The following PARVB variants were observed in gnomAD, a reference collection of about 807,000 sequenced individuals.
PARVB encodes beta-parvin.
PARVB carries 46 observed loss-of-function variants against 47.0 expected under a neutral mutation model. The observed-to-expected ratio is 0.98, with a 90% CI of 0.77 to 1.25. The LOEUF (loss-of-function observed/expected upper bound fraction) is 1.25, where lower values mean the gene tolerates loss of function less well. Among genes scored for constraint, PARVB ranks in the 50% most tolerant of loss-of-function variants. The probability of loss-of-function intolerance (pLI) is 0.00; values close to 1 mark genes in which losing one functional copy is unlikely to be tolerated. For synonymous variants in PARVB, 196 were observed against 196.3 expected (o/e 1.00, Z 0.01); for missense variants, 473 against 471.6 (o/e 1.00, Z -0.03).
intron 1 of PARVB, chr22:44,081,702 G>A (rs905494043): frequency 3.6e-5 from 28 of 777,036 alleles, no homozygotes; most frequent in Admixed American, 6.3e-5. Flanking sequence ...ATTGCCCCCC[G>A]CCTCGGTGGG....
chr22:44,115,482 T>C (rs2052861281), intron 3 of PARVB: 1 of 93,790 alleles, frequency 1.1e-5, no homozygotes, highest in Non-Finnish European at 2.2e-5. Flanking sequence ...ACAGATACAT[T>C]GTTACTAACT....
Position 44,163,864 on chromosome 22 carries a change from A to C in PARVB, c.952A>C (p.Asn318His). ...TPESFDQKVH[N>H]VSFAFELMLD... ...CACCCCCCTTCCTTGGCAGGTCCACAATGTGTCCTTCGCCTTTGAGCTGAT... is the reference window on the plus strand; with the variant it reads ...CACCCCCCTTCCTTGGCAGGTCCACCATGTGTCCTTCGCCTTTGAGCTGAT... The change falls in exon 12 of 13, where the codon AAT (asparagine) becomes CAT (histidine). Residue 318 changes from asparagine (N) to histidine (H), a missense_variant. Physicochemically the swap from Asn to His is moderately conservative, Grantham distance 68. Coordinates refer to ENST00000338758, the MANE Select transcript of PARVB (RefSeq NM_013327.5). 1 of 1,608,716 alleles carries C rather than the reference A, an allele frequency of 6.2e-7. No homozygotes were observed. The highest frequency in any genetic ancestry group is 8.5e-7 in the Non-Finnish European group (1 of 1,177,496).
chr22:44,043,395 T>G (rs923861176), intron 1 of PARVB, among the ~76,000 whole-genome samples: 12 of 152,184 alleles, frequency 7.9e-5, no homozygotes, highest in Non-Finnish European at 1.3e-4. Context: ...TTTATTTATT[T>G]TGAGACGGAG....
In PARVB at chr22:44,024,400, T is replaced by C; in HGVS notation, c.61T>C (p.Phe21Leu). ...RPRRMKKDES[F>L]LGKLGGTLAR... The stretch of plus-strand genomic sequence containing the variant: ...CCGCAGGATGAAGAAGGACGAGTCG[T>C]TCCTGGGCAAGCTGGGCGGCACCCT... Residue 21 changes from phenylalanine (F) to leucine (L), a missense_variant, in exon 1 of 13, where the codon TTC becomes CTC. Physicochemically the swap from Phe to Leu is conservative, Grantham distance 22 (BLOSUM62 0). Transcript: ENST00000338758. 7.9e-7 allele frequency: 1 copy of C among 1,258,450 alleles called. No homozygotes were observed. Among genetic ancestry groups the C allele is most frequent in the Non-Finnish European group, 1.0e-6 (1 of 986,828 alleles). 78.0% of individuals were successfully genotyped at this position (1,258,450 alleles called of 1,614,324 possible).
chr22:44,028,722 C>A (rs562806039), intron 1 of PARVB, among the ~76,000 whole-genome samples: 2 of 152,362 alleles, frequency 1.3e-5, no homozygotes, highest in East Asian at 3.9e-4. Context: ...AAACTCTCTT[C>A]CAAAGTGGCT....
chr22:44,129,086 T>TA (rs1219535352), intron 4 of PARVB, among the ~76,000 whole-genome samples: 1 of 151,586 alleles, frequency 6.6e-6, no homozygotes, highest in Non-Finnish European at 1.5e-5. Flanking sequence ...CTCAAAAAAA[T>TA]AAAAAAATTA....
Position 44,087,060 on chromosome 22 carries a change from C to G in PARVB, c.113-6868C>G, listed in dbSNP as rs566665848. On this transcript the variant is annotated intron_variant, in intron 1 of 12. Transcript: ENST00000338758. ...ACCACTCTGTTTCTTTGAGCAGGAT[C>G]AGTTGTAACTAGAAGTGGGTAGGAT... 4 of 152,876 alleles carry G rather than the reference C, an allele frequency of 2.6e-5. No individual in the cohort carries two copies. The Admixed American group carries it at 2.6e-4, about 10-fold the overall frequency. 9.5% of individuals were successfully genotyped at this position (152,876 alleles called of 1,614,324 possible). A position where few individuals can be genotyped will look rare whatever the true frequency, so the allele number is the denominator to read the frequency against.
At chr22:44,050,127 G>A (rs1394720109) in intron 1 of PARVB, among the ~76,000 whole-genome samples, 4 of 152,168 alleles carry the variant, frequency 2.6e-5, no homozygotes, top group African/African-American at 9.7e-5. Context: ...GGAGGGCAGA[G>A]TCTCGTTGGC....
At chr22:44,082,637 A>T (rs551895047) in intron 1 of PARVB, among the ~76,000 whole-genome samples, 2 of 152,356 alleles carry the variant, frequency 1.3e-5, no homozygotes, top group South Asian at 4.1e-4. Flanking sequence ...GTAGACAAGA[A>T]GCTCACCGGC....
At chr22:44,099,313 C>T (rs995093822) in intron 2 of PARVB, among the ~76,000 whole-genome samples, 1 of 152,172 alleles carries the variant, frequency 6.6e-6, no homozygotes, top group African/African-American at 2.4e-5. Flanking sequence ...TGGTGCTGGG[C>T]ATTTCTGCTG....
upstream of PARVB, among the ~76,000 whole-genome samples, chr22:44,023,385 C>T (rs2050674503): frequency 1.3e-5 from 2 of 151,910 alleles, no homozygotes; most frequent in African/African-American, 4.8e-5. Context: ...GTGGCGTGCA[C>T]CTGTAATCCC....
At position 44,101,415 on chromosome 22, in the gene PARVB, AAT is replaced by A. The variant is rs200103373; in HGVS notation, c.273+1294_273+1295del. The stretch of plus-strand genomic sequence containing the variant: ...ACAGCGAGGCTCCGTCTCAAAAAAA[AAT>A]AAAAAATAAAAAATAAAATATAAAA... On this transcript the variant is annotated intron_variant, in intron 3 of 12. Transcript: ENST00000338758. 8.5e-5 allele frequency among the ~76,000 whole-genome samples: 12 copies of A among 141,326 alleles called. 1 individual carries two copies. The highest frequency in any genetic ancestry group is 3.4e-4 in the African/African-American group (11 of 31,978). The allele number at this position is 141,326 out of a possible 152,430, so 92.7% of individuals were successfully genotyped here. A position where few individuals can be genotyped will look rare whatever the true frequency, so the allele number is the denominator to read the frequency against.
intron 1 of PARVB, among the ~76,000 whole-genome samples, chr22:44,035,905 C>T (rs535518582): frequency 7.2e-4 from 109 of 151,964 alleles, no homozygotes; most frequent in Admixed American, 1.0e-3. Context: ...CAACAGGAGG[C>T]GGCTACTATT....
At chr22:44,021,156 T>C (rs2050643146), upstream of PARVB, among the ~76,000 whole-genome samples, 1 of 152,268 alleles carries the variant, frequency 6.6e-6, no homozygotes, top group South Asian at 2.1e-4. Flanking sequence ...GAAGTGTGAT[T>C]GGACAAAAAC....
At chr22:44,128,107 TC>T (rs1308187590) in intron 4 of PARVB, among the ~76,000 whole-genome samples, 1 of 152,166 alleles carries the variant, frequency 6.6e-6, no homozygotes, top group Non-Finnish European at 1.5e-5. Context: ...GAGAGAAGAT[TC>T]TGGAAGCAGC....
At position 44,111,064 on chromosome 22, in the gene PARVB, T is replaced by A. The variant is rs1601616344; in HGVS notation, c.274-7974T>A. On this transcript the variant is annotated intron_variant, in intron 3 of 12. Coordinates refer to ENST00000338758, the MANE Select transcript of PARVB (RefSeq NM_013327.5). The stretch of plus-strand genomic sequence containing the variant: ...CAATAGAAGGCAGGGCTAATTTTTT[T>A]TTTTTTTCCATGTATGTCCCTTCAG... 3.9e-5 allele frequency: 6 copies of A among 152,292 alleles called. 1 individual carries two copies. The highest frequency in any genetic ancestry group is 1.4e-4 in the African/African-American group (6 of 41,538). The allele number at this position is 152,292 out of a possible 1,614,324, so 9.4% of individuals were successfully genotyped here. A position where few individuals can be genotyped will look rare whatever the true frequency, so the allele number is the denominator to read the frequency against.
At chr22:44,058,154 G>C (rs761361218) in intron 1 of PARVB, among the ~76,000 whole-genome samples, 49 of 152,310 alleles carry the variant, frequency 3.2e-4, no homozygotes, top group Admixed American at 1.1e-3. Flanking sequence ...ACACTGGCTG[G>C]CTTACAGAGC....
At chr22:44,118,366 G>A (rs903345874) in intron 3 of PARVB, among the ~76,000 whole-genome samples, 1 of 152,214 alleles carries the variant, frequency 6.6e-6, no homozygotes, top group Admixed American at 6.5e-5. Context: ...CCGTGGAGAG[G>A]GGAAGTAGAT....
intron 1 of PARVB, among the ~76,000 whole-genome samples, chr22:44,065,814 TC>T (rs1232886340): frequency 6.6e-6 from 1 of 151,892 alleles, no homozygotes; most frequent in African/African-American, 2.4e-5. Context: ...ATTATTTTGT[TC>T]CTTTTTATGG....
Sources: allele counts gnomAD v4.1 joint callset (sites outside exome capture counted in the v4.1 genomes callset), GRCh38; gene constraint gnomAD v4.1.1; transcripts MANE v1.5; gene names NCBI Gene and HGNC (gene_info 2026-07-23, HGNC 2026-07-21).